NR2C2: variants seen among roughly 807,000 people sequenced by gnomAD.
The protein encoded by NR2C2 is nuclear receptor subfamily 2 group C member 2.
Under a neutral mutation model 62.9 loss-of-function variants are expected in NR2C2, and 6 were observed. The observed-to-expected ratio is 0.10, with a 90% CI of 0.05 to 0.19. The LOEUF (loss-of-function observed/expected upper bound fraction) is 0.19, where lower values mean the gene tolerates loss of function less well. Among genes scored for constraint, NR2C2 ranks in the 10% least tolerant of loss-of-function variants. The pLI, the probability that NR2C2 is intolerant of heterozygous loss-of-function variation, is 1.00. For missense variants in NR2C2, 479 were observed against 762.7 expected (o/e 0.63, Z 4.38); for synonymous variants, 272 against 273.8 (o/e 0.99, Z 0.07).
rs756673103 is a variant in NR2C2, at chr3:15,038,109, C to T, written c.1482C>T (p.Tyr494=). The T allele has an allele frequency of 6.2e-7, 1 of 1,613,794 alleles. No individual in the cohort carries two copies. The highest frequency in any genetic ancestry group is 1.7e-5 in the Admixed American group (1 of 59,944). ...KLDIDGYEYA[Y]LKAIVLFSPD... is the part of the protein sequence containing the mutation. Reference sequence around the variant, plus strand: ...ATATAGATGGCTATGAGTATGCATACCTTAAAGCTATAGTTCTCTTTAGCC... The same window carrying T: ...ATATAGATGGCTATGAGTATGCATATCTTAAAGCTATAGTTCTCTTTAGCC... Residue 494 remains tyrosine (Y), a synonymous_variant, in exon 12 of 14, where the codon TAC becomes TAT. Transcript: ENST00000425241.
At chr3:15,033,639 C>CTTT (rs58524753) in intron 10 of NR2C2, among the ~76,000 whole-genome samples, 51 of 84,802 alleles carry the variant, frequency 6.0e-4, no homozygotes, top group East Asian at 1.5e-3. Flanking sequence ...TAACCTCAGG[C>CTTT]TTTTTTTTTT....
In NR2C2 at chr3:15,045,582, C is replaced by T. The variant is rs2042419967; in HGVS notation, c.*2574C>T. The T allele has an allele frequency of 6.6e-6, 1 of 152,608 alleles. No individual in the cohort carries two copies. The highest frequency in any genetic ancestry group is 2.1e-4 in the South Asian group (1 of 4,826). 9.5% of individuals were successfully genotyped at this position (152,608 alleles called of 1,614,324 possible). A position where few individuals can be genotyped will look rare whatever the true frequency, so the allele number is the denominator to read the frequency against. On this transcript the variant is annotated 3_prime_UTR_variant, in exon 14 of 14. Coordinates refer to ENST00000425241, the MANE Select transcript of NR2C2 (RefSeq NM_001291694.2). ...TGGCCTTTTCTTTAAGGATCATGTC[C>T]ACGTAACCTGTATTCTTGCTGCTTT... is the stretch of plus-strand genomic sequence containing the variant.
At chr3:14,959,739 G>A (rs558335597) in intron 1 of NR2C2, 2 of 152,204 alleles carry the variant, frequency 1.3e-5, no homozygotes, top group Non-Finnish European at 2.9e-5. Flanking sequence ...GGAGAACAAG[G>A]TGGGGGGCAC....
intron 9 of NR2C2, 79 bp from the exon 10 acceptor site, chr3:15,032,300 G>A: frequency 1.3e-6 from 2 of 1,593,584 alleles, no homozygotes; most frequent in Non-Finnish European, 1.7e-6. Context: ...ATTGAAGCAT[G>A]ACAGGGATAC....
In NR2C2 at chr3:15,012,012, T is replaced by C. The variant is rs554888877; in HGVS notation, c.73-1577T>C. ...CCCCAATAGAAGTTTAGTTCTATGA[T>C]GGTGGGACCTTTTTTTGTTCACGTC... On this transcript the variant is annotated intron_variant, in intron 2 of 13. Coordinates refer to ENST00000425241, the MANE Select transcript of NR2C2 (RefSeq NM_001291694.2). Among the ~76,000 whole-genome samples, 58 of 152,378 alleles carry C rather than the reference T, an allele frequency of 3.8e-4. 1 individual carries two copies. The South Asian group carries it at 0.011, about 30-fold the overall frequency.
chr3:15,029,994 C>T (rs1421832233), intron 8 of NR2C2, among the ~76,000 whole-genome samples: 1 of 152,032 alleles, frequency 6.6e-6, no homozygotes, highest in Non-Finnish European at 1.5e-5. Context: ...TAATACATAG[C>T]TCAGTGCCTA....
chr3:15,021,761 T>C (rs1339112642), intron 5 of NR2C2, among the ~76,000 whole-genome samples: 2 of 152,242 alleles, frequency 1.3e-5, no homozygotes, highest in Non-Finnish European at 2.9e-5. Context: ...TCTGTCATCT[T>C]TTGCATAGTT....
At chr3:14,963,028 G>T (rs989271767) in intron 1 of NR2C2, among the ~76,000 whole-genome samples, 16 of 152,176 alleles carry the variant, frequency 1.1e-4, no homozygotes, top group African/African-American at 3.9e-4. Context: ...TTTGATCCTG[G>T]AGGTGGATCT....
chr3:15,015,107 T>A (rs1175790747), intron 3 of NR2C2, among the ~76,000 whole-genome samples: 1 of 152,232 alleles, frequency 6.6e-6, no homozygotes, highest in Non-Finnish European at 1.5e-5. Flanking sequence ...TGTGATCATC[T>A]GAAATCAGAA....
intron 1 of NR2C2, among the ~76,000 whole-genome samples, chr3:14,951,616 CGTTAA>C (rs1574914762): frequency 3.3e-5 from 5 of 152,064 alleles, no homozygotes; most frequent in South Asian, 2.1e-4. Context: ...TGTCTTACAT[CGTTAA>C]GTTATTTATT....
At chr3:15,015,317 T>C (rs866814652) in intron 3 of NR2C2, among the ~76,000 whole-genome samples, 7 of 152,214 alleles carry the variant, frequency 4.6e-5, no homozygotes, top group East Asian at 1.9e-4. Flanking sequence ...TATATTGATA[T>C]CAGTTATAGT....
chr3:14,954,145 A>G (rs1403080979), intron 1 of NR2C2, among the ~76,000 whole-genome samples: 1 of 152,142 alleles, frequency 6.6e-6, no homozygotes, highest in Non-Finnish European at 1.5e-5. Context: ...TTGAAAAATC[A>G]TTTTTTAATT....
intron 1 of NR2C2, among the ~76,000 whole-genome samples, chr3:14,976,601 C>CTTTTTT (rs1491248040): frequency 1.2e-5 from 1 of 85,576 alleles, no homozygotes; most frequent in African/African-American, 5.9e-5. Context: ...TTCCTTCCTT[C>CTTTTTT]CTTTTTTTTT....
At chr3:14,993,437 G>A (rs923291839) in intron 1 of NR2C2, among the ~76,000 whole-genome samples, 5 of 150,568 alleles carry the variant, frequency 3.3e-5, no homozygotes, top group African/African-American at 1.2e-4. Flanking sequence ...CTGGGCGACA[G>A]GAGCAAAACT....
intron 1 of NR2C2, among the ~76,000 whole-genome samples, chr3:14,964,485 C>G (rs111914193): frequency 7.1e-6 from 1 of 140,864 alleles, no homozygotes; most frequent in Non-Finnish European, 1.5e-5. Flanking sequence ...TTACTGTGGA[C>G]TTTATTTTTT....
At chr3:14,996,489 C>T (rs917933439) in intron 1 of NR2C2, among the ~76,000 whole-genome samples, 3 of 152,234 alleles carry the variant, frequency 2.0e-5, no homozygotes, top group African/African-American at 7.2e-5. Flanking sequence ...TTAACCTTCA[C>T]ACCAGTGCCA....
chr3:15,023,167 C>T, intron 5 of NR2C2, 33 bp from the exon 6 acceptor site: 1 of 1,609,008 alleles, frequency 6.2e-7, no homozygotes, highest in Non-Finnish European at 8.5e-7. Context: ...GGAATTGTTT[C>T]TCTAAACACA....
At chr3:15,010,360 A>T (rs2041315095) in intron 2 of NR2C2, among the ~76,000 whole-genome samples, 1 of 152,086 alleles carries the variant, frequency 6.6e-6, no homozygotes, top group Non-Finnish European at 1.5e-5. Flanking sequence ...AGATAAAAAA[A>T]AAAAACCCAA....
chr3:15,004,022 C>T, intron 2 of NR2C2, 36 bp downstream of exon 2: 1 of 1,557,294 alleles, frequency 6.4e-7, no homozygotes, highest in Non-Finnish European at 8.7e-7. Flanking sequence ...CCTGCCTTTC[C>T]AGAAGAACTC....
Sources: allele counts gnomAD v4.1 joint callset (sites outside exome capture counted in the v4.1 genomes callset), GRCh38; gene constraint gnomAD v4.1.1; transcripts MANE v1.5; gene names NCBI Gene and HGNC (gene_info 2026-07-23, HGNC 2026-07-21).